The following ZMYND11 variants were observed in gnomAD, a reference collection of about 807,000 sequenced individuals.
ZMYND11 encodes zinc finger MYND domain-containing protein 11.
ZMYND11 carries 9 observed loss-of-function variants against 84.9 expected under a neutral mutation model. That is an observed-to-expected ratio of 0.11 (90% CI 0.06 to 0.18). The LOEUF (loss-of-function observed/expected upper bound fraction) is 0.18. Ranked by LOEUF, ZMYND11 falls within the 10% of genes least tolerant of loss-of-function variation. The pLI, the probability that ZMYND11 is intolerant of heterozygous loss-of-function variation, is 1.00. For missense variants in ZMYND11, 409 were observed against 761.0 expected, an observed-to-expected ratio of 0.54 and a Z score of 5.44; for synonymous variants, 250 against 244.1, an observed-to-expected ratio of 1.02 and a Z score of -0.23.
intron 6 of ZMYND11, 61 bp from the exon 7 acceptor site, chr10:239,377 A>G: frequency 1.5e-6 from 2 of 1,341,366 alleles, no homozygotes; most frequent in Non-Finnish European, 2.1e-6. Context: ...CTGTGAACTT[A>G]GTCCAGACAA....
intron 2 of ZMYND11, among the ~76,000 whole-genome samples, chr10:207,271 C>G (rs987262932): frequency 2.6e-5 from 4 of 152,176 alleles, no homozygotes; most frequent in Non-Finnish European, 5.9e-5. Flanking sequence ...CAAGTCTTTG[C>G]TATTGTGAAT....
intron 1 of ZMYND11, among the ~76,000 whole-genome samples, chr10:177,400 G>T (rs1265534913): frequency 6.6e-6 from 1 of 152,032 alleles, no homozygotes; most frequent in Non-Finnish European, 1.5e-5. Context: ...TACAAGGTAT[G>T]TTTATTTTCT....
intron 4 of ZMYND11, among the ~76,000 whole-genome samples, chr10:232,387 A>G (rs1343171544): frequency 1.3e-5 from 2 of 152,248 alleles, no homozygotes; most frequent in East Asian, 1.9e-4. Flanking sequence ...ATAACTGGAA[A>G]GTCTTGGAAA....
intron 1 of ZMYND11, among the ~76,000 whole-genome samples, chr10:165,314 T>G (rs1368916100): frequency 6.6e-6 from 1 of 152,162 alleles, no homozygotes; most frequent in African/African-American, 2.4e-5. Flanking sequence ...ACAGCTCTCC[T>G]AGATTTGCTC....
At chr10:163,912 C>G (rs1409771115) in intron 1 of ZMYND11, among the ~76,000 whole-genome samples, 1 of 152,094 alleles carries the variant, frequency 6.6e-6, no homozygotes, top group African/African-American at 2.4e-5. Flanking sequence ...CTTCACATGT[C>G]AGTGTCTAAA....
In ZMYND11 at chr10:180,120, T is replaced by C. The variant is rs762876152; in HGVS notation, c.108T>C (p.Arg36=). The stretch of plus-strand genomic sequence containing the variant: ...AGAAGCAGATTGCCAACATTGACCG[T>C]ATTACAAAGTAAGTAAATTTAAACA... ...RNQKQIANID[R]ITKYMSRVHG... Residue 36 remains arginine, a synonymous_variant, in exon 2 of 15, where the codon CGT becomes CGC. Transcript: ENST00000381604. 1 of 1,609,336 alleles carries C rather than the reference T, an allele frequency of 6.2e-7. No individual in the cohort carries two copies. The highest frequency in any genetic ancestry group is 8.5e-7 in the Non-Finnish European group (1 of 1,177,330).
chr10:244,395 G>C (rs777939877), intron 10 of ZMYND11: 14 of 152,208 alleles, frequency 9.2e-5, no homozygotes, highest in Admixed American at 2.0e-4. Context: ...CTGCTCGTCG[G>C]AGACAATGAG....
chr10:192,849 CCT>C (rs1940799270), intron 2 of ZMYND11, among the ~76,000 whole-genome samples: 1 of 152,052 alleles, frequency 6.6e-6, no homozygotes. Flanking sequence ...TCTGTGAGTC[CCT>C]GTTACTCTCT....
At position 236,381 on chromosome 10, in the gene ZMYND11, T is replaced by G. The variant is rs190026250; in HGVS notation, c.439-457T>G. On this transcript the variant is annotated intron_variant, in intron 4 of 14. Transcript: ENST00000381604. ...AGAAATGGAGATGTTAGTATGCAGC[T>G]GCGCTGTGCAAAGTGAGTGACACAG... is the stretch of plus-strand genomic sequence containing the variant. Among the ~76,000 whole-genome samples the G allele has an allele frequency of 2.2e-3, 335 of 152,370 alleles. 2 individuals carry two copies. The highest frequency in any genetic ancestry group is 0.018 in the Admixed American group (273 of 15,306).
intron 1 of ZMYND11, among the ~76,000 whole-genome samples, chr10:162,291 T>C (rs535285098): frequency 6.6e-6 from 1 of 152,316 alleles, no homozygotes; most frequent in East Asian, 1.9e-4. Flanking sequence ...CAAAGATCAC[T>C]GATCACAGAT....
intron 2 of ZMYND11, among the ~76,000 whole-genome samples, chr10:191,608 A>G (rs1463729813): frequency 6.6e-6 from 1 of 152,182 alleles, no homozygotes; most frequent in Admixed American, 6.5e-5. Flanking sequence ...TTTGAAGTGT[A>G]TTGCTCTTTG....
intron 2 of ZMYND11, among the ~76,000 whole-genome samples, chr10:195,127 A>C (rs1941424331): frequency 6.6e-6 from 1 of 152,236 alleles, no homozygotes; most frequent in Admixed American, 6.5e-5. Context: ...GGAATACTGC[A>C]AAACTGAAAT....
chr10:227,530 T>TG (rs1428736491), intron 4 of ZMYND11, among the ~76,000 whole-genome samples: 1 of 152,136 alleles, frequency 6.6e-6, no homozygotes. Flanking sequence ...TGTAACTTTT[T>TG]GTTGTTGAGA....
intron 1 of ZMYND11, among the ~76,000 whole-genome samples, chr10:139,936 G>A (rs4537685): frequency 6.6e-6 from 1 of 152,018 alleles, no homozygotes; most frequent in African/African-American, 2.4e-5. Flanking sequence ...CTTCTCAAAC[G>A]TGTAGGTGAT....
intron 1 of ZMYND11, among the ~76,000 whole-genome samples, chr10:146,054 G>A: frequency 6.6e-6 from 1 of 152,028 alleles, no homozygotes; most frequent in East Asian, 1.9e-4. Context: ...GTTGATTTTT[G>A]TATAAGGTGG....
At chr10:239,892 CAA>C (rs1171527952) in intron 7 of ZMYND11, 162 bp from the exon 8 acceptor site, 1 of 580,928 alleles carries the variant, frequency 1.7e-6, no homozygotes, top group Non-Finnish European at 3.0e-6. Flanking sequence ...GGATGGAAAA[CAA>C]AAGCTGCCTG....
intron 10 of ZMYND11, among the ~76,000 whole-genome samples, chr10:243,507 A>ATATT (rs1173764658): frequency 6.6e-6 from 1 of 152,184 alleles, no homozygotes; most frequent in Admixed American, 6.5e-5. Flanking sequence ...ACCATGAGTG[A>ATATT]TATTAATAAT....
At chr10:227,248 G>A (rs144550161) in intron 4 of ZMYND11, among the ~76,000 whole-genome samples, 3 of 152,264 alleles carry the variant, frequency 2.0e-5, no homozygotes, top group African/African-American at 7.2e-5. Context: ...GTTCTTCCAC[G>A]TTAGTAGGAA....
intron 1 of ZMYND11, among the ~76,000 whole-genome samples, chr10:163,413 A>G (rs939036585): frequency 1.3e-5 from 2 of 151,956 alleles, no homozygotes; most frequent in Non-Finnish European, 2.9e-5. Flanking sequence ...TTCAGATATT[A>G]TATCATGTAT....
Sources: gnomAD v4.1 joint callset for allele counts (sites outside exome capture counted in the v4.1 genomes callset) on GRCh38, gnomAD v4.1.1 for gene constraint, MANE v1.5 for transcripts, NCBI Gene and HGNC (gene_info 2026-07-23, HGNC 2026-07-21) for gene names.